Variants in SLC22A25 observed in about 807,000 individuals in gnomAD.
The protein encoded by SLC22A25 is MGI:2442751, MGI:2385316, MGI:3042283, MGI:3645714, MGI:3605624, MGI:2442750.
In SLC22A25, 44 loss-of-function variants were observed where a neutral mutation model predicts 45.9. The observed-to-expected ratio is 0.96, with a 90% confidence interval of 0.75 to 1.23. The LOEUF is 1.23. Ranked by LOEUF, SLC22A25 falls within the 50% of genes most tolerant of loss-of-function variation. SLC22A25 has a pLI of 0.00. For missense variants in SLC22A25, 800 were observed against 666.4 expected (o/e 1.20, Z -2.21); for synonymous variants, 283 against 238.6 (o/e 1.19, Z -1.72).
At chr11:63,214,659 G>A (rs1359157866) in intron 7 of SLC22A25, among the ~76,000 whole-genome samples, 2 of 152,102 alleles carry the variant, frequency 1.3e-5, no homozygotes, top group African/African-American at 4.8e-5. Flanking sequence ...AAGAAATGAT[G>A]TAATGCATGT....
At chr11:63,181,120 GC>G (rs2088303843) in intron 8 of SLC22A25, among the ~76,000 whole-genome samples, 1 of 152,086 alleles carries the variant, frequency 6.6e-6, no homozygotes, top group African/African-American at 2.4e-5. Context: ...TACCAGATGG[GC>G]CCCAAAGACC....
At chr11:63,175,105 C>G (rs1266435345) in intron 9 of SLC22A25, among the ~76,000 whole-genome samples, 2 of 152,066 alleles carry the variant, frequency 1.3e-5, no homozygotes, top group East Asian at 3.9e-4. Flanking sequence ...AATATCTCTT[C>G]CCAATCCTGA....
intron 2 of SLC22A25, among the ~76,000 whole-genome samples, chr11:63,238,490 T>C (rs2090199592): frequency 6.6e-6 from 1 of 152,200 alleles, no homozygotes; most frequent in South Asian, 2.1e-4. Context: ...AACTTTGGTC[T>C]TCCCAAGAAT....
At chr11:63,202,103 G>A (rs1195075122) in intron 7 of SLC22A25, among the ~76,000 whole-genome samples, 1 of 152,120 alleles carries the variant, frequency 6.6e-6, no homozygotes, top group Non-Finnish European at 1.5e-5. Context: ...GAGGGACGGT[G>A]CATCTGGGCC....
intron 3 of SLC22A25, among the ~76,000 whole-genome samples, chr11:63,234,209 A>G (rs1021412053): frequency 3.3e-5 from 5 of 152,098 alleles, no homozygotes; most frequent in African/African-American, 9.7e-5. Flanking sequence ...TTTCTGTCTC[A>G]TTGATCTGTC....
At chr11:63,183,912 T>TATA (rs2088423657) in intron 7 of SLC22A25, 95 bp from the exon 8 acceptor site, 4 of 1,526,198 alleles carry the variant, frequency 2.6e-6, no homozygotes, top group Non-Finnish European at 3.6e-6. Flanking sequence ...TCTAAGCTAA[T>TATA]ACCCACCTCT....
chr11:63,200,927 A>G (rs554918818), intron 7 of SLC22A25, among the ~76,000 whole-genome samples: 1 of 152,324 alleles, frequency 6.6e-6, no homozygotes, highest in Non-Finnish European at 1.5e-5. Flanking sequence ...AAAGAATAAA[A>G]TGCCTAGGAA....
At chr11:63,212,510 C>T (rs1329918148) in intron 7 of SLC22A25, among the ~76,000 whole-genome samples, 4 of 152,132 alleles carry the variant, frequency 2.6e-5, no homozygotes, top group Middle Eastern at 3.4e-3. Flanking sequence ...AGTTCATGTC[C>T]TTTGTAGGGA....
intron 10 of SLC22A25, among the ~76,000 whole-genome samples, chr11:63,164,872 T>C (rs1403218316): frequency 6.6e-6 from 1 of 152,224 alleles, no homozygotes; most frequent in Non-Finnish European, 1.5e-5. Context: ...ATTCTCACTA[T>C]ATATCAGGGG....
At chr11:63,182,734 C>T (rs898088070) in intron 8 of SLC22A25, among the ~76,000 whole-genome samples, 16 of 151,946 alleles carry the variant, frequency 1.1e-4, no homozygotes, top group Admixed American at 3.9e-4. Context: ...TTTCAAATCT[C>T]CTTTTGAAGG....
intron 7 of SLC22A25, among the ~76,000 whole-genome samples, chr11:63,204,160 A>C (rs1464246722): frequency 3.3e-5 from 5 of 152,256 alleles, no homozygotes; most frequent in African/African-American, 1.2e-4. Context: ...TGAAGGAAGC[A>C]CTAAATATAA....
chr11:63,204,363 C>A (rs11824311), intron 7 of SLC22A25, among the ~76,000 whole-genome samples: 18,435 of 152,026 alleles, frequency 0.12, 2,038 homozygotes, highest in African/African-American at 0.3. Flanking sequence ...CACAGATGGG[C>A]AAATTGGATA....
chr11:63,183,470 C>T (rs1011487457), intron 8 of SLC22A25, among the ~76,000 whole-genome samples: 1 of 152,050 alleles, frequency 6.6e-6, no homozygotes, highest in Non-Finnish European at 1.5e-5. Context: ...CACTCTGTGC[C>T]TCTGCCTCTG....
chr11:63,169,775 T>A lies in SLC22A25; in HGVS notation c.1071-3517A>T, dbSNP rs545629275. ...CAACTAGACAGAAAATCAACAAGGA[T>A]ATTCAGGACTTGAACTCAACTCTGG... On this transcript the variant is annotated intron_variant, in intron 9 of 11. Coordinates refer to ENST00000306494, the MANE Select transcript of SLC22A25 (RefSeq NM_199352.6). 3.9e-5 allele frequency among the ~76,000 whole-genome samples: 6 copies of A among 152,252 alleles called. No homozygotes were observed. In the South Asian group the frequency reaches 1.2e-3, roughly 32 times the overall value.
intron 7 of SLC22A25, among the ~76,000 whole-genome samples, chr11:63,189,001 G>C (rs1310814638): frequency 6.6e-6 from 1 of 152,144 alleles, no homozygotes; most frequent in Non-Finnish European, 1.5e-5. Flanking sequence ...GCGGTGTGGT[G>C]CTGAGAAGAA....
chr11:63,177,761 T>A (rs2088145335), intron 9 of SLC22A25, among the ~76,000 whole-genome samples: 1 of 142,274 alleles, frequency 7.0e-6, no homozygotes, highest in Admixed American at 7.4e-5. Context: ...TGAATAATAT[T>A]CCATTATATC....
At chr11:63,231,008 C>T (rs1333350777) in intron 3 of SLC22A25, among the ~76,000 whole-genome samples, 2 of 152,168 alleles carry the variant, frequency 1.3e-5, no homozygotes. Flanking sequence ...GTATAGTATT[C>T]CATGGTGTAT....
At chr11:63,228,342 T>C in intron 5 of SLC22A25, 119 bp downstream of exon 5, 1 of 740,060 alleles carries the variant, frequency 1.4e-6, no homozygotes, top group Non-Finnish European at 2.2e-6. Context: ...TGTCTACAAA[T>C]CCCTGGGGAC....
chr11:63,212,336 T>G (rs1487513034), intron 7 of SLC22A25, among the ~76,000 whole-genome samples: 1 of 152,160 alleles, frequency 6.6e-6, no homozygotes, highest in Non-Finnish European at 1.5e-5. Flanking sequence ...CAAAGGATTA[T>G]AAAACATGCT....
Sources: gnomAD v4.1 joint callset for allele counts (sites outside exome capture counted in the v4.1 genomes callset) on GRCh38, gnomAD v4.1.1 for gene constraint, MANE v1.5 for transcripts, NCBI Gene and HGNC (gene_info 2026-07-23, HGNC 2026-07-21) for gene names.